The following TAAR1 variants were observed in gnomAD, a reference collection of about 807,000 sequenced individuals.
TAAR1 encodes trace amine-associated receptor 1.
Under a neutral mutation model 1.2 loss-of-function variants are expected in TAAR1, and 1 was observed. The observed-to-expected ratio is 0.81, with a 90% confidence interval of 0.29 to 3.86. The LOEUF is 3.86. Ranked by LOEUF, TAAR1 falls within the 30% of genes most tolerant of loss-of-function variation. The pLI, the probability that TAAR1 is intolerant of heterozygous loss-of-function variation, is 0.18. For missense variants in TAAR1, 445 were observed against 405.6 expected (o/e 1.10, Z -0.83); for synonymous variants, 153 against 132.2 (o/e 1.16, Z -1.08).
chr6:132,656,804 T>C (rs1346596023), intron 1 of TAAR1, among the ~76,000 whole-genome samples: 6 of 152,106 alleles, frequency 3.9e-5, no homozygotes, highest in African/African-American at 1.4e-4. Flanking sequence ...GGTTAGAAAT[T>C]ATGAGGGAAA....
intron 1 of TAAR1, among the ~76,000 whole-genome samples, chr6:132,651,322 TCATATGAATACTTCC>T (rs1777746114): frequency 6.6e-6 from 1 of 152,166 alleles, no homozygotes; most frequent in Non-Finnish European, 1.5e-5. Context: ...CTGATGAGTA[TCATATGAATACTTCC>T]AGCTTTGACC....
chr6:132,657,704 A>C (rs1777821248), intron 1 of TAAR1, among the ~76,000 whole-genome samples: 1 of 152,088 alleles, frequency 6.6e-6, no homozygotes, highest in Non-Finnish European at 1.5e-5. Flanking sequence ...ACTCAGAGAT[A>C]GTGAGATTGA....
At chr6:132,648,058 A>G (rs959851655) in intron 1 of TAAR1, among the ~76,000 whole-genome samples, 22 of 152,124 alleles carry the variant, frequency 1.4e-4, no homozygotes, top group African/African-American at 5.1e-4. Context: ...GCAAACAAAA[A>G]CTGTTATTTA....
intron 1 of TAAR1, among the ~76,000 whole-genome samples, chr6:132,654,162 A>G (rs1266839521): frequency 6.6e-6 from 1 of 150,978 alleles, no homozygotes; most frequent in Admixed American, 6.7e-5. Context: ...AAATGGAAGA[A>G]TAGTTGTTAG....
At chr6:132,655,376 CTTTTTTTTTTTTT>C (rs6149815) in intron 1 of TAAR1, among the ~76,000 whole-genome samples, 47,629 of 133,800 alleles carry the variant, frequency 0.36, 8,984 homozygotes, top group Admixed American at 0.44. Flanking sequence ...TTCATTCATT[CTTTTTTTTTTTTT>C]TTTTTTTTGA....
At chr6:132,649,165 A>C (rs918308076) in intron 1 of TAAR1, among the ~76,000 whole-genome samples, 1 of 152,086 alleles carries the variant, frequency 6.6e-6, no homozygotes, top group Non-Finnish European at 1.5e-5. Flanking sequence ...CCAATTTCCC[A>C]TTGTGGTATT....
intron 1 of TAAR1, among the ~76,000 whole-genome samples, chr6:132,650,023 C>T (rs977682363): frequency 3.3e-5 from 5 of 152,122 alleles, no homozygotes; most frequent in South Asian, 2.1e-4. Flanking sequence ...CTTAGTTCAT[C>T]GACCTCTATC....
chr6:132,650,487 C>A (rs916041005), intron 1 of TAAR1, among the ~76,000 whole-genome samples: 2 of 152,194 alleles, frequency 1.3e-5, no homozygotes, highest in Non-Finnish European at 2.9e-5. Flanking sequence ...GCTCAGGAAT[C>A]CTACTCCATT....
At position 132,645,493 on chromosome 6, in the gene TAAR1, T is replaced by C; in HGVS notation, c.511A>G (p.Ile171Val). The C allele has an allele frequency of 6.2e-7, 1 of 1,613,782 alleles. No homozygotes were observed. Among genetic ancestry groups the C allele is most frequent in the Non-Finnish European group, 8.5e-7 (1 of 1,179,852 alleles). Residue 171 changes from isoleucine (I) to valine (V), a missense_variant, in exon 2 of 2, where the codon ATA becomes GTA. Ile to Val is a conservative substitution (Grantham distance 29). Coordinates refer to ENST00000275216, the MANE Select transcript of TAAR1 (RefSeq NM_138327.4). Reference sequence around the variant, plus strand: ...CTGCAGTGAACATGTTTGTAATATATCTCTTCAGCGCCTTTGAAGTTTAGC... The same window carrying C: ...CTGCAGTGAACATGTTTGTAATATACCTCTTCAGCGCCTTTGAAGTTTAGC... ...LELNFKGAEE[I>V]YYKHVHCRGG...
At chr6:132,647,780 A>C (rs1777704032) in intron 1 of TAAR1, among the ~76,000 whole-genome samples, 1 of 152,156 alleles carries the variant, frequency 6.6e-6, no homozygotes, top group Admixed American at 6.6e-5. Flanking sequence ...TCACTTTGGT[A>C]GGAAAATGCT....
chr6:132,645,221 T>C lies in TAAR1; in HGVS notation c.783A>G (p.Leu261=). The C allele has an allele frequency of 6.2e-7, 1 of 1,613,620 alleles. No individual in the cohort carries two copies. The highest frequency in any genetic ancestry group is 8.5e-7 in the Non-Finnish European group (1 of 1,179,742). ...AGATAAAGAAAGGGCACCAGCATAT[T>C]AGGAAAACTCCCATCACAATCCCCA... ...KTLGIVMGVF[L]ICWCPFFICT... The change falls in exon 2 of 2, where the codon CTA becomes CTG. Residue 261 remains leucine, a synonymous_variant. Transcript: ENST00000275216.
At position 132,652,213 on chromosome 6, in the gene TAAR1, G is replaced by T. The variant is rs140828887; in HGVS notation, c.-126-6084C>A. On this transcript the variant is annotated intron_variant, in intron 1 of 1. Transcript: ENST00000275216. ...AGGAGAGGTTATATGAAATACTTTT[G>T]GCCTTCAGGTGAAAAACTAAAAAAG... Among the ~76,000 whole-genome samples the T allele has an allele frequency of 2.0e-5, 3 of 151,712 alleles. 1 individual carries two copies. In the East Asian group the frequency reaches 5.8e-4, roughly 29 times the overall value.
chr6:132,645,670 A>T lies in TAAR1; in HGVS notation c.334T>A (p.Phe112Ile). ...TCAATGGAGATGAAAGACAAATGGA[A>T]AATGGAGGCTGAGCTCAGCATAATG... ...TDIMLSSASI[F>I]HLSFISIDRY... The change falls in exon 2 of 2, where the codon TTC (phenylalanine) becomes ATC (isoleucine). Residue 112 changes from phenylalanine to isoleucine, a missense_variant. Transcript: ENST00000275216. 1 of 1,613,626 alleles carries T rather than the reference A, an allele frequency of 6.2e-7. No individual in the cohort carries two copies.
rs750088922 is a variant in TAAR1 at position 132,645,642 on chromosome 6, C to A, written c.362G>T (p.Arg121Leu). 3 of 1,613,506 alleles carry A rather than the reference C, an allele frequency of 1.9e-6. No homozygotes were observed. Among genetic ancestry groups the A allele is most frequent in the Admixed American group, 1.7e-5 (1 of 59,836 alleles). ...IFHLSFISID[R>L]YYAVCDPLRY... is the part of the protein sequence containing the mutation. ...CAGTGGATCACACACAGCATAGTAGCGGTCAATGGAGATGAAAGACAAATG... is the reference window on the plus strand; with the variant it reads ...CAGTGGATCACACACAGCATAGTAGAGGTCAATGGAGATGAAAGACAAATG... The change falls in exon 2 of 2, where the codon CGC becomes CTC. Residue 121 changes from arginine to leucine, a missense_variant. Transcript: ENST00000275216.
rs55908881 is a variant in TAAR1 at position 132,647,362 on chromosome 6, G to GCACACA, written c.-126-1239_-126-1234dup. On this transcript the variant is annotated intron_variant, in intron 1 of 1. Transcript: ENST00000275216. The stretch of plus-strand genomic sequence containing the variant: ...TGGACTTACACACACACATACGCAT[G>GCACACA]CACACACACACACACACACACACAC... Among the ~76,000 whole-genome samples the GCACACA allele has an allele frequency of 9.8e-4, 138 of 140,692 alleles. 1 individual carries two copies. The highest frequency in any genetic ancestry group is 3.0e-3 in the African/African-American group (111 of 37,388). 92.3% of individuals were successfully genotyped at this position (140,692 alleles called of 152,430 possible). A position where few individuals can be genotyped will look rare whatever the true frequency, so the allele number is the denominator to read the frequency against.
intron 1 of TAAR1, among the ~76,000 whole-genome samples, chr6:132,646,367 T>C (rs1487717087): frequency 6.6e-6 from 1 of 152,136 alleles, no homozygotes; most frequent in Non-Finnish European, 1.5e-5. Flanking sequence ...CATTTGTAGG[T>C]CAGAGAAGAT....
chr6:132,643,928 T>C lies in TAAR1; in HGVS notation c.*1056A>G, dbSNP rs17061556. On this transcript the variant is annotated 3_prime_UTR_variant, in exon 2 of 2. Transcript: ENST00000275216. ...TTTAGCTACTTTGATGGATGACTGC[T>C]TCTCCTTCTGTGTATTGTGGAGCCC... is the stretch of plus-strand genomic sequence containing the variant. Among the ~76,000 whole-genome samples the C allele has an allele frequency of 0.022, 3,349 of 152,068 alleles. 126 individuals are homozygous for C. The highest frequency in any genetic ancestry group is 0.076 in the African/African-American group (3,148 of 41,512).
intron 1 of TAAR1, among the ~76,000 whole-genome samples, chr6:132,658,262 T>A (rs1777828671): frequency 6.6e-6 from 1 of 152,118 alleles, no homozygotes; most frequent in Admixed American, 6.5e-5. Context: ...GTCATGGTTC[T>A]TGAGATGAAA....
chr6:132,658,409 C>G (rs1012429403), intron 1 of TAAR1, among the ~76,000 whole-genome samples: 3 of 152,032 alleles, frequency 2.0e-5, no homozygotes, highest in African/African-American at 7.2e-5. Context: ...ATGTACTATA[C>G]ATGAAAGTGT....
Sources: gnomAD v4.1 joint callset for allele counts (sites outside exome capture counted in the v4.1 genomes callset) on GRCh38, gnomAD v4.1.1 for gene constraint, MANE v1.5 for transcripts, NCBI Gene and HGNC (gene_info 2026-07-23, HGNC 2026-07-21) for gene names.